ODF2: variants seen among roughly 807,000 people sequenced by gnomAD.
ODF2 encodes the protein outer dense fiber protein 2.
Under a neutral mutation model 110.2 loss-of-function variants are expected in ODF2, and 47 were observed. The ratio of observed to expected loss-of-function variants is 0.43; its 90% CI spans 0.34 to 0.54. The LOEUF (loss-of-function observed/expected upper bound fraction) is 0.54. Among genes scored for constraint, ODF2 ranks in the 20% least tolerant of loss-of-function variants. The pLI, the probability that ODF2 is intolerant of heterozygous loss-of-function variation, is 0.03. For missense variants in ODF2, 812 were observed against 1,054.5 expected, an observed-to-expected ratio of 0.77 and a Z score of 3.19; for synonymous variants, 352 against 397.7, an observed-to-expected ratio of 0.89 and a Z score of 1.37.
Position 128,472,867 on chromosome 9 carries a change from A to C in ODF2, c.582-46A>C, listed in dbSNP as rs1408253288. The stretch of plus-strand genomic sequence containing the variant: ...TGAGGCAAGCCTTGGATCTCTGGGC[A>C]TGCGGGGGCCTGGGAGGGCTCACAG... On this transcript the variant is annotated intron_variant, in intron 6 of 20. Transcript: ENST00000604420. 2.5e-6 allele frequency: 4 copies of C among 1,611,120 alleles called. No individual in the cohort carries two copies. The South Asian group carries it at 4.4e-5, about 18-fold the overall frequency.
At chr9:128,472,992 G>A in exon 7 of ODF2, 1 of 1,614,136 alleles carries the variant, frequency 6.2e-7, no homozygotes, top group Non-Finnish European at 8.5e-7. Flanking sequence ...TGGGGCTGCG[G>A]CTGCCAAGCA....
At chr9:128,473,715 C>G (rs1395200960) in exon 8 of ODF2, 1 of 1,613,698 alleles carries the variant, frequency 6.2e-7, no homozygotes, top group Non-Finnish European at 8.5e-7. Flanking sequence ...CCTCCGAGAC[C>G]TCCTGAGGGA....
intron 8 of ODF2, among the ~76,000 whole-genome samples, chr9:128,479,602 C>T (rs989834303): frequency 1.3e-5 from 2 of 151,822 alleles, no homozygotes; most frequent in African/African-American, 2.4e-5. Context: ...TCAGACCTTC[C>T]GACCTGGCCA....
At chr9:128,471,576 GCCTGTGC>G in intron 6 of ODF2, 108 bp downstream of exon 6, 1 of 984,968 alleles carries the variant, frequency 1.0e-6, no homozygotes, top group Non-Finnish European at 1.5e-6. Flanking sequence ...CAGGCACTGT[GCCTGTGC>G]CCTGGAGCCT....
At chr9:128,496,904 T>C (rs1845649651) in intron 18 of ODF2, among the ~76,000 whole-genome samples, 1 of 152,050 alleles carries the variant, frequency 6.6e-6, no homozygotes, top group Non-Finnish European at 1.5e-5. Context: ...ATTTTTGTAT[T>C]TTTTGTAGAG....
intron 11 of ODF2, 56 bp from the exon 12 acceptor site, chr9:128,484,644 TC>T (rs1390801619): frequency 4.6e-6 from 7 of 1,535,598 alleles, no homozygotes; most frequent in Admixed American, 2.0e-5. Context: ...TGCTTTGCCT[TC>T]CCACAACCTC....
At chr9:128,483,536 T>TCACG (rs1842810084) in intron 10 of ODF2, among the ~76,000 whole-genome samples, 1 of 149,954 alleles carries the variant, frequency 6.7e-6, no homozygotes, top group Non-Finnish European at 1.5e-5. Flanking sequence ...TGAGTCATGG[T>TCACG]CACGCCACTG....
chr9:128,460,705 T>C, intron 3 of ODF2, 39 bp downstream of exon 3: 3 of 1,612,006 alleles, frequency 1.9e-6, no homozygotes, highest in Non-Finnish European at 2.5e-6. Context: ...TAGCTGTGGA[T>C]CTGGGTGATC....
chr9:128,496,524 C>T (rs1034156276), intron 18 of ODF2, among the ~76,000 whole-genome samples: 2 of 152,224 alleles, frequency 1.3e-5, no homozygotes, highest in Non-Finnish European at 2.9e-5. Flanking sequence ...CAAGACCTTT[C>T]TGATCTGACC....
At chr9:128,455,774 A>T (rs532934978), upstream of ODF2, among the ~76,000 whole-genome samples, 1 of 152,184 alleles carries the variant, frequency 6.6e-6, no homozygotes, top group Non-Finnish European at 1.5e-5. Flanking sequence ...GCAGCTCCCA[A>T]TAACTAGTTC....
At chr9:128,500,159 G>T in exon 21 of ODF2, 1 of 1,614,260 alleles carries the variant, frequency 6.2e-7, no homozygotes, top group Admixed American at 1.7e-5. Context: ...ACTACGTCCA[G>T]TTCCTCAAAT....
At chr9:128,476,448 G>A (rs763522363) in intron 8 of ODF2, among the ~76,000 whole-genome samples, 6 of 148,498 alleles carry the variant, frequency 4.0e-5, no homozygotes, top group Non-Finnish European at 7.5e-5. Context: ...CCACCACACC[G>A]GGCTACTTTT....
intron 8 of ODF2, among the ~76,000 whole-genome samples, chr9:128,477,817 T>G (rs1248045203): frequency 1.3e-5 from 2 of 151,826 alleles, no homozygotes; most frequent in Non-Finnish European, 2.9e-5. Context: ...CAGCCTGGTC[T>G]CAAACTCCTG....
chr9:128,463,947 C>T (rs1194343522), intron 4 of ODF2, among the ~76,000 whole-genome samples: 2 of 151,970 alleles, frequency 1.3e-5, no homozygotes, highest in African/African-American at 2.4e-5. Flanking sequence ...TGGGTACAAG[C>T]GATTCTCCTG....
At chr9:128,497,449 ATATATATATATATATATATAT>A (rs1845829426) in intron 18 of ODF2, 7 of 52,136 alleles carry the variant, frequency 1.3e-4, no homozygotes, top group South Asian at 6.5e-4. Flanking sequence ...AAAAAAAAAT[ATATATATATATATATATATAT>A]ATATATATAT....
In ODF2 at chr9:128,473,754, C is replaced by T. The variant is rs774554483; in HGVS notation, c.843+13C>T. 2 of 1,611,178 alleles carry T rather than the reference C, an allele frequency of 1.2e-6. No homozygotes were observed. Among genetic ancestry groups the T allele is most frequent in the Admixed American group, 3.4e-5 (2 of 59,688 alleles). ...GCACTGCAAAGAGGTGAGCTTGGGG[C>T]CTGGCTCTTTCCCTCCAGCTCTGCA... On this transcript the variant is annotated intron_variant, in intron 8 of 20. Coordinates refer to ENST00000604420, the Ensembl canonical transcript of ODF2.
At chr9:128,497,442 AAAAAATATATAT>A (rs1453215579) in intron 18 of ODF2, 21 of 83,214 alleles carry the variant, frequency 2.5e-4, no homozygotes, top group African/African-American at 1.5e-3. Context: ...AAAAAAAAAA[AAAAAATATATAT>A]ATATATATAT....
intron 4 of ODF2, among the ~76,000 whole-genome samples, chr9:128,466,963 C>T (rs1285288742): frequency 5.0e-4 from 50 of 99,390 alleles, no homozygotes; most frequent in African/African-American, 1.7e-3. Context: ...GGTGACAGAG[C>T]GAGACTCCAT....
intron 2 of ODF2, chr9:128,457,528 C>T (rs1835221599): frequency 6.9e-7 from 1 of 1,448,026 alleles, no homozygotes. Flanking sequence ...TTCCAGCTTC[C>T]TCATTGTGTT....
Sources: gnomAD v4.1 joint callset for allele counts (sites outside exome capture counted in the v4.1 genomes callset) on GRCh38, gnomAD v4.1.1 for gene constraint, MANE v1.5 for transcripts, NCBI Gene and HGNC (gene_info 2026-07-23, HGNC 2026-07-21) for gene names.